FAM13A: variants seen among roughly 807,000 people sequenced by gnomAD.
FAM13A encodes protein FAM13A.
FAM13A carries 76 observed loss-of-function variants against 129.6 expected under a neutral mutation model. That is an observed-to-expected ratio of 0.59 (90% CI 0.49 to 0.71). FAM13A has a LOEUF of 0.71. Among genes scored for constraint, FAM13A ranks in the 30% least tolerant of loss-of-function variants. The probability of loss-of-function intolerance (pLI) is 0.00; values close to 1 mark genes in which losing one functional copy is unlikely to be tolerated. For missense variants in FAM13A, 1,108 were observed against 1,249.3 expected (o/e 0.89, Z 1.70); for synonymous variants, 443 against 449.9 (o/e 0.98, Z 0.20).
Position 88,851,190 on chromosome 4 carries a change from G to GA in FAM13A, c.844-8dup, listed in dbSNP as rs527412194. The GA allele has an allele frequency of 0.012, 14,466 of 1,224,076 alleles. No individual in the cohort carries two copies. Among genetic ancestry groups the GA allele is most frequent in the South Asian group, 0.026 (1,522 of 59,068 alleles). 75.8% of individuals were successfully genotyped at this position (1,224,076 alleles called of 1,614,324 possible). On this transcript the variant is annotated splice_region_variant and splice_polypyrimidine_tract_variant and intron_variant, in intron 6 of 23. Transcript: ENST00000264344. ...CACTCCTGGATTTTGGGATCTAGAA[G>GA]AAAAAAAAAAGAGGGGTGGGGGAGA...
At chr4:88,929,746 T>C (rs1004017508) in intron 5 of FAM13A, among the ~76,000 whole-genome samples, 1 of 152,174 alleles carries the variant, frequency 6.6e-6, no homozygotes, top group Non-Finnish European at 1.5e-5. Context: ...CTGCTTTGTT[T>C]TTTGTTTTTG....
intron 14 of FAM13A, among the ~76,000 whole-genome samples, chr4:88,755,166 A>G (rs1743378499): frequency 6.6e-6 from 1 of 152,200 alleles, no homozygotes; most frequent in African/African-American, 2.4e-5. Context: ...ATAAATCTGT[A>G]GAGGACCTAG....
intron 8 of FAM13A, among the ~76,000 whole-genome samples, chr4:88,803,973 C>T (rs1728048916): frequency 6.6e-6 from 1 of 152,088 alleles, no homozygotes; most frequent in South Asian, 2.1e-4. Context: ...CAGTAGACTT[C>T]AGGCCAGGCG....
At chr4:88,747,037 G>C (rs370838759) in intron 18 of FAM13A, 22 bp from the exon 19 acceptor site, 2 of 1,495,278 alleles carry the variant, frequency 1.3e-6, no homozygotes, top group Non-Finnish European at 1.9e-6. Context: ...CAGGGATAGA[G>C]AATTGAAAGA....
At chr4:89,033,713 G>A (rs970094977) in intron 1 of FAM13A, among the ~76,000 whole-genome samples, 2 of 152,256 alleles carry the variant, frequency 1.3e-5, no homozygotes, top group South Asian at 4.1e-4. Flanking sequence ...CAGTAAATAG[G>A]ACAAATTTCA....
chr4:88,960,711 G>A (rs1391311802), intron 4 of FAM13A, among the ~76,000 whole-genome samples: 1 of 151,780 alleles, frequency 6.6e-6, no homozygotes, highest in Non-Finnish European at 1.5e-5. Flanking sequence ...CCAAATGTAG[G>A]GCTTCCTTTT....
At position 88,781,227 on chromosome 4, in the gene FAM13A, G is replaced by T. The variant is rs1476148617; in HGVS notation, c.1396C>A (p.Pro466Thr). Residue 466 changes from proline to threonine, a missense_variant, in exon 11 of 24, where the codon CCT becomes ACT. Physicochemically the swap from Pro to Thr is conservative, Grantham distance 38. Around this residue, in one of 3 missense-constraint regions of FAM13A, gnomAD observed 566 missense variants for 595.7 expected, o/e 0.95. Coordinates refer to ENST00000264344, the MANE Select transcript of FAM13A (RefSeq NM_014883.4). ...TFGCAGERSK[P>T]KRQKSSTKLS... The stretch of plus-strand genomic sequence containing the variant: ...TTAGTACTGGATTTCTGACGTTTAG[G>T]CTTGCTCCTTTCTCCAGCACAACCA... 3 of 1,612,292 alleles carry T rather than the reference G, an allele frequency of 1.9e-6. No homozygotes were observed. In the African/African-American group the frequency reaches 4.0e-5, roughly 22 times the overall value.
In FAM13A at chr4:89,056,938, AC is replaced by A. The variant is rs747673869; in HGVS notation, c.26del (p.Cys9PhefsTer9). MGAGALAI[C>X]QSKAAVRLKE... ...AAGACAGAAGAAGGCCTATACTTACACAGATGGCTAGAGCTCCTGCCCCCAT... is the reference window on the plus strand; with the variant it reads ...AAGACAGAAGAAGGCCTATACTTACAAGATGGCTAGAGCTCCTGCCCCCAT... On this transcript the variant is annotated frameshift_variant and splice_region_variant, in exon 1 of 24. Coordinates refer to ENST00000264344, the MANE Select transcript of FAM13A (RefSeq NM_014883.4). LOFTEE classifies it high-confidence loss of function. 1.1e-5 allele frequency: 18 copies of A among 1,613,616 alleles called. No homozygotes were observed. In the Admixed American group the frequency reaches 3.0e-4, roughly 27 times the overall value.
intron 3 of FAM13A, among the ~76,000 whole-genome samples, chr4:89,011,113 G>C (rs143557379): frequency 1.1e-4 from 17 of 152,216 alleles, no homozygotes; most frequent in African/African-American, 4.1e-4. Context: ...CTCCCAAAAT[G>C]CTGGGATTGC....
chr4:88,915,610 T>C (rs910018257), intron 5 of FAM13A, among the ~76,000 whole-genome samples: 1 of 152,184 alleles, frequency 6.6e-6, no homozygotes, highest in Non-Finnish European at 1.5e-5. Context: ...GTCATTTCCA[T>C]GTAAAGAAAC....
intron 1 of FAM13A, among the ~76,000 whole-genome samples, chr4:89,047,279 G>A (rs61433048): frequency 1.5e-3 from 235 of 151,932 alleles, no homozygotes; most frequent in African/African-American, 5.4e-3. Flanking sequence ...TTTTTGGGGG[G>A]GTTGTCAAAT....
At chr4:88,906,995 C>A (rs1227216606) in intron 5 of FAM13A, among the ~76,000 whole-genome samples, 1 of 152,182 alleles carries the variant, frequency 6.6e-6, no homozygotes, top group African/African-American at 2.4e-5. Context: ...AATTATTAAA[C>A]CTCCAAGTCC....
At chr4:88,950,956 G>A (rs146807837) in intron 4 of FAM13A, among the ~76,000 whole-genome samples, 2 of 152,188 alleles carry the variant, frequency 1.3e-5, no homozygotes, top group Non-Finnish European at 2.9e-5. Context: ...GCATTAGATA[G>A]AGCAACTAAA....
At chr4:88,941,694 C>G (rs1754783696) in intron 4 of FAM13A, among the ~76,000 whole-genome samples, 1 of 152,168 alleles carries the variant, frequency 6.6e-6, no homozygotes, top group Non-Finnish European at 1.5e-5. Context: ...GGTGGGTCCC[C>G]TGTCTTCCTC....
chr4:89,042,874 C>A (rs1560929879), intron 1 of FAM13A, among the ~76,000 whole-genome samples: 1 of 152,088 alleles, frequency 6.6e-6, no homozygotes, highest in Non-Finnish European at 1.5e-5. Flanking sequence ...TAAAAACATT[C>A]TATTAAAAAA....
intron 13 of FAM13A, among the ~76,000 whole-genome samples, chr4:88,767,241 C>T (rs1415408313): frequency 6.6e-6 from 1 of 152,176 alleles, no homozygotes; most frequent in Admixed American, 6.5e-5. Context: ...TTAAAAAATG[C>T]ATCAAATTGT....
At chr4:88,983,098 T>G (rs1164522263) in intron 4 of FAM13A, among the ~76,000 whole-genome samples, 2 of 152,310 alleles carry the variant, frequency 1.3e-5, no homozygotes, top group East Asian at 3.9e-4. Flanking sequence ...CAGTTCAACT[T>G]CTGCCTAATC....
chr4:88,894,131 T>C (rs1487983104), intron 6 of FAM13A, among the ~76,000 whole-genome samples: 1 of 152,242 alleles, frequency 6.6e-6, no homozygotes, highest in Non-Finnish European at 1.5e-5. Flanking sequence ...TGTTAGCATG[T>C]AAATTGATGC....
At chr4:89,046,047 T>G (rs2464516) in intron 1 of FAM13A, among the ~76,000 whole-genome samples, 35,686 of 138,436 alleles carry the variant, frequency 0.26, 4,547 homozygotes, top group Non-Finnish European at 0.29. Flanking sequence ...AAAGAAAAAA[T>G]AAAAAAAATT....
Sources: gnomAD v4.1 joint callset for allele counts (sites outside exome capture counted in the v4.1 genomes callset) on GRCh38, gnomAD v4.1.1 for gene constraint, gnomAD v4.1.1 regional missense constraint, MANE v1.5 for transcripts, NCBI Gene and HGNC (gene_info 2026-07-23, HGNC 2026-07-21) for gene names.